The following NHSL1 variants were observed in gnomAD, a reference collection of about 807,000 sequenced individuals.
The protein encoded by NHSL1 is NHS-like protein 1.
A neutral mutation model predicts 95.0 loss-of-function variants in NHSL1; 48 were observed. The observed-to-expected ratio is 0.51, with a 90% confidence interval of 0.40 to 0.64. The LOEUF is 0.64. NHSL1 is among the 30% of genes least tolerant of loss of function. NHSL1 has a pLI of 0.00. For missense variants in NHSL1, 1,971 were observed against 2,077.7 expected (o/e 0.95, Z 1.00); for synonymous variants, 783 against 833.9 (o/e 0.94, Z 1.05).
intron 1 of NHSL1, among the ~76,000 whole-genome samples, chr6:138,617,158 G>A (rs965906410): frequency 5.3e-5 from 8 of 152,150 alleles, no homozygotes; most frequent in Admixed American, 4.6e-4. Context: ...AGGGGGTGAG[G>A]AGGAAAAGGT....
At chr6:138,468,746 C>A (rs1295161312) in intron 3 of NHSL1, among the ~76,000 whole-genome samples, 2 of 152,178 alleles carry the variant, frequency 1.3e-5, no homozygotes, top group African/African-American at 4.8e-5. Flanking sequence ...GTAGGCTGTA[C>A]CGTCTAGGTT....
intron 1 of NHSL1, among the ~76,000 whole-genome samples, chr6:138,680,634 T>A (rs1000695287): frequency 4.6e-5 from 7 of 152,176 alleles, no homozygotes; most frequent in Non-Finnish European, 1.0e-4. Context: ...TTATTTTTTT[T>A]AAAGCAGGTT....
chr6:138,467,617 G>A (rs866469818), intron 3 of NHSL1, among the ~76,000 whole-genome samples: 4 of 152,322 alleles, frequency 2.6e-5, no homozygotes, highest in Non-Finnish European at 5.9e-5. Flanking sequence ...AGTAGGACAA[G>A]ATGTGGAGGG....
At chr6:138,592,137 G>T (rs1276073846) in intron 1 of NHSL1, among the ~76,000 whole-genome samples, 1 of 152,024 alleles carries the variant, frequency 6.6e-6, no homozygotes, top group Non-Finnish European at 1.5e-5. Flanking sequence ...ACAGTTTCCT[G>T]CTCCCCAAAA....
intron 5 of NHSL1, among the ~76,000 whole-genome samples, chr6:138,440,937 A>G (rs2128213789): frequency 6.6e-6 from 1 of 152,348 alleles, no homozygotes; most frequent in South Asian, 2.1e-4. Flanking sequence ...AAATAAGTCC[A>G]TAGGTTGGCC....
chr6:138,665,477 T>C (rs1033275131), intron 1 of NHSL1, among the ~76,000 whole-genome samples: 1 of 152,228 alleles, frequency 6.6e-6, no homozygotes. Flanking sequence ...CTCCAAGGCC[T>C]GCTCAGCACC....
intron 1 of NHSL1, among the ~76,000 whole-genome samples, chr6:138,688,537 A>G (rs1203046334): frequency 6.6e-6 from 1 of 152,062 alleles, no homozygotes; most frequent in African/African-American, 2.4e-5. Flanking sequence ...CCAGCTACTC[A>G]GGAGGATGAG....
At chr6:138,463,634 C>T (rs893731010) in intron 3 of NHSL1, among the ~76,000 whole-genome samples, 10 of 151,536 alleles carry the variant, frequency 6.6e-5, no homozygotes, top group African/African-American at 2.2e-4. Context: ...ATCAACCCGT[C>T]GTCTAGGTTT....
chr6:138,654,578 C>A (rs1266031568), intron 1 of NHSL1, among the ~76,000 whole-genome samples: 1 of 151,008 alleles, frequency 6.6e-6, no homozygotes, highest in Non-Finnish European at 1.5e-5. Context: ...CCATATCATT[C>A]TTTTTTTTTA....
At chr6:138,505,330 A>G (rs1436186203) in intron 1 of NHSL1, among the ~76,000 whole-genome samples, 3 of 152,212 alleles carry the variant, frequency 2.0e-5, no homozygotes, top group Non-Finnish European at 4.4e-5. Flanking sequence ...CGCATTTCGA[A>G]TTAGATAAAA....
At position 138,437,413 on chromosome 6, in the gene NHSL1, T is replaced by TAC. The variant is rs71546236; in HGVS notation, c.665-3735_665-3734dup. On this transcript the variant is annotated intron_variant, in intron 5 of 7. Coordinates refer to ENST00000343505, the MANE Select transcript of NHSL1 (RefSeq NM_001144060.2). ...ACATATATATATATATACACACATA[T>TAC]ACACACACACACACACACACACACA... Among the ~76,000 whole-genome samples, 97 of 47,910 alleles carry TAC rather than the reference T, an allele frequency of 2.0e-3. 7 individuals carry two copies. Among genetic ancestry groups the TAC allele is most frequent in the Non-Finnish European group, 2.3e-3 (70 of 30,106 alleles). 31.4% of individuals were successfully genotyped at this position (47,910 alleles called of 152,430 possible).
At chr6:138,637,933 G>A (rs1000710111) in intron 1 of NHSL1, among the ~76,000 whole-genome samples, 6 of 152,298 alleles carry the variant, frequency 3.9e-5, no homozygotes, top group African/African-American at 1.4e-4. Context: ...CATATTTGTT[G>A]CAGCACTGTC....
intron 1 of NHSL1, among the ~76,000 whole-genome samples, chr6:138,634,363 A>G (rs1292195175): frequency 6.6e-6 from 1 of 152,214 alleles, no homozygotes; most frequent in East Asian, 1.9e-4. Flanking sequence ...ATGGATAGAA[A>G]AAGATATTCC....
upstream of NHSL1, among the ~76,000 whole-genome samples, chr6:138,575,960 CATTTATTTATTT>C (rs10626397): frequency 0.023 from 3,263 of 144,690 alleles, 61 homozygotes; most frequent in East Asian, 0.057. Context: ...AAAATCCCTA[CATTTATTTATTT>C]ATTTATTTAT....
In NHSL1 at chr6:138,422,460, C is replaced by A. The variant is rs936011171; in HGVS notation, c.*1621G>T. ...GTTTATAAGTCTCATAATGATTTGA[C>A]CCATGCAGTCCAACTTTTAGATAGT... On this transcript the variant is annotated 3_prime_UTR_variant, in exon 8 of 8. Transcript: ENST00000343505. 6.6e-6 allele frequency: 1 copy of A among 152,134 alleles called. No individual in the cohort carries two copies. The highest frequency in any genetic ancestry group is 2.1e-4 in the South Asian group (1 of 4,816). 9.4% of individuals were successfully genotyped at this position (152,134 alleles called of 1,614,324 possible).
intron 3 of NHSL1, among the ~76,000 whole-genome samples, chr6:138,463,073 A>G (rs1778101951): frequency 6.6e-6 from 1 of 152,186 alleles, no homozygotes; most frequent in Non-Finnish European, 1.5e-5. Context: ...TTGTCTCATA[A>G]CTTAAGCGAA....
rs559542109 is a variant in NHSL1 at position 138,536,631 on chromosome 6, T to C, written c.16+8992A>G. 6.3e-3 allele frequency among the ~76,000 whole-genome samples: 580 copies of C among 92,218 alleles called. 2 individuals carry two copies. The highest frequency in any genetic ancestry group is 0.017 in the South Asian group (45 of 2,660). The allele number at this position is 92,218 out of a possible 152,430, so 60.5% of individuals were successfully genotyped here. A position where few individuals can be genotyped will look rare whatever the true frequency, so the allele number is the denominator to read the frequency against. On this transcript the variant is annotated intron_variant, in intron 1 of 4. Coordinates refer to the NHSL1 transcript ENST00000342260. ...TTTTTTTTTTTTTTTTTTTTTTTTT[T>C]CACTTTAAGCTCTGGGATACATGTG...
chr6:138,625,326 A>G (rs1784722409), intron 1 of NHSL1, among the ~76,000 whole-genome samples: 1 of 152,130 alleles, frequency 6.6e-6, no homozygotes, highest in Non-Finnish European at 1.5e-5. Context: ...TATTTTTAGT[A>G]GAGACAGGGT....
At chr6:138,577,255 T>C (rs1225276050), upstream of NHSL1, among the ~76,000 whole-genome samples, 1 of 152,224 alleles carries the variant, frequency 6.6e-6, no homozygotes, top group African/African-American at 2.4e-5. Context: ...CAACCAGGCA[T>C]GTAATTGCTC....
Sources: allele counts gnomAD v4.1 joint callset (sites outside exome capture counted in the v4.1 genomes callset), GRCh38; gene constraint gnomAD v4.1.1; transcripts MANE v1.5; gene names NCBI Gene and HGNC (gene_info 2026-07-23, HGNC 2026-07-21).